TTC3: variants seen among roughly 807,000 people sequenced by gnomAD.
The protein encoded by TTC3 is E3 ubiquitin-protein ligase TTC3.
A neutral mutation model predicts 249.6 loss-of-function variants in TTC3; 180 were observed. The ratio of observed to expected loss-of-function variants is 0.72; its 90% CI spans 0.64 to 0.82. The LOEUF (loss-of-function observed/expected upper bound fraction) is 0.82, where lower values mean the gene tolerates loss of function less well. Among genes scored for constraint, TTC3 ranks in the 40% least tolerant of loss-of-function variants. TTC3 has a pLI of 0.00. For missense variants in TTC3, 2,061 were observed against 2,398.4 expected (o/e 0.86, Z 2.94); for synonymous variants, 717 against 805.0 (o/e 0.89, Z 1.85).
intron 1 of TTC3, chr21:37,086,872 CAA>C (rs2072562311): frequency 5.6e-6 from 1 of 178,230 alleles, no homozygotes; most frequent in Non-Finnish European, 1.2e-5. Flanking sequence ...ACAAGTGCAG[CAA>C]CAGGAAGATG....
intron 36 of TTC3, among the ~76,000 whole-genome samples, chr21:37,184,977 C>T (rs1161818020): frequency 1.3e-5 from 2 of 152,142 alleles, no homozygotes; most frequent in Non-Finnish European, 2.9e-5. Context: ...TACAGTGACA[C>T]AAACCACAGA....
At chr21:37,087,785 C>T in intron 2 of TTC3, 48 bp from the exon 3 acceptor site, 2 of 1,422,804 alleles carry the variant, frequency 1.4e-6, no homozygotes, top group Non-Finnish European at 2.0e-6. Context: ...GATTAAAAAT[C>T]AAGAACATTT....
chr21:37,196,425 T>C (rs1250773359), intron 42 of TTC3, among the ~76,000 whole-genome samples: 1 of 152,036 alleles, frequency 6.6e-6, no homozygotes. Context: ...TTAGTACAGG[T>C]GGGGTTTCAC....
chr21:37,095,417 T>C lies in TTC3; in HGVS notation c.755T>C (p.Ile252Thr), dbSNP rs1487791645. 7 of 1,605,462 alleles carry C rather than the reference T, an allele frequency of 4.4e-6. No homozygotes were observed. In the African/African-American group the frequency reaches 6.7e-5, roughly 15 times the overall value. ...AAAGAAAGATTTGATATAGCTATTA[T>C]CTATTACACCAGAGCCATTGAATAT... The change falls in exon 9 of 46, where the codon ATC (isoleucine) becomes ACC (threonine). Residue 252 changes from isoleucine (I) to threonine (T), a missense_variant. Around this residue, in one of 3 missense-constraint regions of TTC3, gnomAD observed 989 missense variants for 1,145.1 expected, o/e 0.86. Transcript: ENST00000355666.
chr21:37,095,558 A>C (rs2073854538), intron 9 of TTC3, 114 bp downstream of exon 9: 1 of 669,224 alleles, frequency 1.5e-6, no homozygotes, highest in Non-Finnish European at 2.4e-6. Flanking sequence ...CAACTTGTGC[A>C]GAATAGATTT....
At chr21:37,165,882 T>G in exon 33 of TTC3, 1 of 1,614,194 alleles carries the variant, frequency 6.2e-7, no homozygotes, top group Non-Finnish European at 8.5e-7. Flanking sequence ...TCTAAACCAG[T>G]GTCAGATTCA....
chr21:37,163,306 A>C lies in TTC3; in HGVS notation c.3171-745A>C, dbSNP rs114281862. ...GTCATGCAGCCTGGTTTTAGAGTCC[A>C]CACTCAAACTACTACATCTTTTTAG... On this transcript the variant is annotated intron_variant, in intron 31 of 45. Transcript: ENST00000355666. Among the ~76,000 whole-genome samples, 837 of 152,322 alleles carry C rather than the reference A, an allele frequency of 5.5e-3. 7 individuals carry two copies. The highest frequency in any genetic ancestry group is 0.019 in the African/African-American group (802 of 41,570).
intron 8 of TTC3, 59 bp from the exon 9 acceptor site, chr21:37,095,291 T>G: frequency 1.8e-6 from 2 of 1,096,176 alleles, no homozygotes; most frequent in Admixed American, 4.2e-5. Flanking sequence ...TACTAGGTAT[T>G]GGGTTCTTGA....
chr21:37,143,329 A>G, intron 20 of TTC3, among the ~76,000 whole-genome samples: 1 of 152,074 alleles, frequency 6.6e-6, no homozygotes, highest in East Asian at 1.9e-4. Context: ...ATGGGAGAAA[A>G]TTTTTGCAAT....
chr21:37,163,931 T>C (rs1417580366), intron 31 of TTC3, 120 bp from the exon 32 acceptor site: 9 of 1,187,064 alleles, frequency 7.6e-6, no homozygotes, highest in Admixed American at 2.8e-5. Flanking sequence ...TTTTGCAACA[T>C]AGAGCTGAGT....
intron 32 of TTC3, among the ~76,000 whole-genome samples, chr21:37,164,755 CAGAT>C (rs2081097023): frequency 6.6e-6 from 1 of 152,192 alleles, no homozygotes; most frequent in Admixed American, 6.5e-5. Flanking sequence ...AGGAAAATCT[CAGAT>C]AGCTTACCAT....
At chr21:37,089,511 T>TTTA (rs1410040177) in intron 5 of TTC3, among the ~76,000 whole-genome samples, 3 of 150,950 alleles carry the variant, frequency 2.0e-5, no homozygotes, top group East Asian at 1.9e-4. Context: ...TGCAATGAAC[T>TTTA]TTATTATTAT....
intron 41 of TTC3, 38 bp downstream of exon 41, chr21:37,192,251 AATTCAT>A: frequency 7.3e-7 from 1 of 1,369,470 alleles, no homozygotes; most frequent in South Asian, 1.4e-5. Flanking sequence ...TTTAAACCAT[AATTCAT>A]TTGTTAACTG....
chr21:37,147,451 A>G, intron 21 of TTC3, 30 bp from the exon 22 acceptor site: 1 of 1,578,332 alleles, frequency 6.3e-7, no homozygotes, highest in Non-Finnish European at 8.6e-7. Flanking sequence ...TAGTATTGTA[A>G]TGGTATCATT....
intron 1 of TTC3, chr21:37,084,046 A>T (rs1236777458): frequency 6.6e-6 from 1 of 152,240 alleles, no homozygotes; most frequent in Non-Finnish European, 1.5e-5. Context: ...ATTAACTAAA[A>T]ATATATGTGA....
At chr21:37,075,794 A>C in intron 1 of TTC3, among the ~76,000 whole-genome samples, 1 of 152,298 alleles carries the variant, frequency 6.6e-6, no homozygotes, top group Middle Eastern at 3.4e-3. Flanking sequence ...GTCAGATCCT[A>C]TGATTGATGT....
chr21:37,100,394 T>A (rs901462289), intron 10 of TTC3, among the ~76,000 whole-genome samples: 2 of 152,020 alleles, frequency 1.3e-5, no homozygotes, highest in African/African-American at 4.8e-5. Flanking sequence ...ACATCAAGGA[T>A]AAAATAGTGA....
At chr21:37,100,799 C>T (rs771437834) in intron 10 of TTC3, 5 of 152,148 alleles carry the variant, frequency 3.3e-5, no homozygotes, top group Non-Finnish European at 7.4e-5. Flanking sequence ...ATGAGATGTC[C>T]GTTTTATTCT....
At chr21:37,113,268 A>G (rs1358268493) in intron 11 of TTC3, among the ~76,000 whole-genome samples, 2 of 152,250 alleles carry the variant, frequency 1.3e-5, no homozygotes, top group Non-Finnish European at 2.9e-5. Context: ...TGCAGATAAC[A>G]TGATTGTATA....
Sources: allele counts gnomAD v4.1 joint callset (sites outside exome capture counted in the v4.1 genomes callset), GRCh38; gene constraint gnomAD v4.1.1; regional missense constraint gnomAD v4.1.1; transcripts MANE v1.5; gene names NCBI Gene and HGNC (gene_info 2026-07-23, HGNC 2026-07-21).